ZFAT: variants seen among roughly 807,000 people sequenced by gnomAD.
The protein encoded by ZFAT is zinc finger and AT-hook domain containing.
A neutral mutation model predicts 117.7 loss-of-function variants in ZFAT; 64 were observed. That is an observed-to-expected ratio of 0.54 (90% confidence interval 0.44 to 0.67). ZFAT has a LOEUF of 0.67. Among genes scored for constraint, ZFAT ranks in the 30% least tolerant of loss-of-function variants. The probability of loss-of-function intolerance (pLI) is 0.00; values close to 1 mark genes in which losing one functional copy is unlikely to be tolerated. For synonymous variants in ZFAT, 679 were observed against 615.0 expected (o/e 1.10, Z -1.54); for missense variants, 1,433 against 1,584.5 (o/e 0.90, Z 1.62).
At chr8:134,760,749 A>T in the ZFAT span, among the ~76,000 whole-genome samples, 1 of 152,238 alleles carries the variant, frequency 6.6e-6, no homozygotes, top group African/African-American at 2.4e-5. Flanking sequence ...GGTTCCAGGG[A>T]TACTTTTCAA....
the ZFAT span, among the ~76,000 whole-genome samples, chr8:134,810,746 T>TG: frequency 0.3 from 45,939 of 152,062 alleles, 7,555 homozygotes; most frequent in African/African-American, 0.43. Context: ...TAAAATTATG[T>TG]GGTACAAAAA....
chr8:134,747,825 C>T, the ZFAT span, among the ~76,000 whole-genome samples: 123 of 152,228 alleles, frequency 8.1e-4, no homozygotes, highest in African/African-American at 2.8e-3. Context: ...CATCATATTA[C>T]CGAGGAGACC....
intron 11 of ZFAT, among the ~76,000 whole-genome samples, chr8:134,548,084 T>A (rs1822834715): frequency 6.6e-6 from 1 of 152,216 alleles, no homozygotes. Flanking sequence ...AGAGTCCTAC[T>A]TCCACCTGGA....
At chr8:134,737,847 T>C in the ZFAT span, among the ~76,000 whole-genome samples, 2 of 152,320 alleles carry the variant, frequency 1.3e-5, no homozygotes, top group Admixed American at 1.3e-4. Flanking sequence ...TCTATGAGAT[T>C]GGTGGGTTTT....
At chr8:134,551,189 G>A (rs902401637) in intron 11 of ZFAT, among the ~76,000 whole-genome samples, 2 of 152,190 alleles carry the variant, frequency 1.3e-5, no homozygotes, top group Non-Finnish European at 2.9e-5. Context: ...GTGGACTAAC[G>A]CGCAGAGAGT....
At chr8:134,788,881 CA>C in the ZFAT span, among the ~76,000 whole-genome samples, 53 of 152,050 alleles carry the variant, frequency 3.5e-4, no homozygotes, top group African/African-American at 1.2e-3. Context: ...ATACCACATT[CA>C]AACTGTTTTT....
chr8:134,821,388 G>C, the ZFAT span, among the ~76,000 whole-genome samples: 2 of 152,056 alleles, frequency 1.3e-5, no homozygotes, highest in African/African-American at 2.4e-5. Context: ...CAGTATCCTA[G>C]ATAATAGCTT....
In ZFAT at chr8:134,513,277, A is replaced by T. The variant is rs1327393993; in HGVS notation, c.3235-676T>A. Among the ~76,000 whole-genome samples, 18 of 150,128 alleles carry T rather than the reference A, an allele frequency of 1.2e-4. No homozygotes were observed. In the South Asian group the frequency reaches 3.8e-3, roughly 31 times the overall value. ...CGGTGGCGCGATCTCAGCTCACTGC[A>T]ATCTCTGCCCGCCAGGTTCAAGCGA... On this transcript the variant is annotated intron_variant, in intron 13 of 15. Transcript: ENST00000377838.
chr8:134,714,120 C>CCA (rs1491569395), upstream of ZFAT, among the ~76,000 whole-genome samples: 16 of 64,634 alleles, frequency 2.5e-4, no homozygotes, highest in African/African-American at 7.7e-4. Context: ...CCCCCCCCCC[C>CCA]AAAAAAAAAA....
In ZFAT at chr8:134,633,257, C is replaced by T. The variant is rs553288866; in HGVS notation, c.448+4204G>A. 8.5e-5 allele frequency among the ~76,000 whole-genome samples: 13 copies of T among 152,192 alleles called. No homozygotes were observed. In the East Asian group the frequency reaches 2.5e-3, roughly 29 times the overall value. On this transcript the variant is annotated intron_variant, in intron 3 of 15. Coordinates refer to ENST00000377838, the MANE Select transcript of ZFAT (RefSeq NM_020863.4). The stretch of plus-strand genomic sequence containing the variant: ...AATAACAATAGTGCCTACCTCTTAG[C>T]TGCTATGAGAATTAAAAGAGCTATT...
the ZFAT span, among the ~76,000 whole-genome samples, chr8:134,810,305 A>AT: frequency 2.0e-5 from 3 of 152,228 alleles, no homozygotes; most frequent in Non-Finnish European, 2.9e-5. Flanking sequence ...GAAAATAAGG[A>AT]TTGAAGAGAC....
the ZFAT span, among the ~76,000 whole-genome samples, chr8:134,752,321 A>G: frequency 1.3e-5 from 2 of 151,824 alleles, no homozygotes; most frequent in African/African-American, 4.8e-5. Flanking sequence ...AAGGCCCTAC[A>G]TGTGCCAGCC....
the ZFAT span, chr8:134,794,204 C>T: frequency 1.3e-5 from 2 of 152,180 alleles, no homozygotes; most frequent in African/African-American, 4.8e-5. Flanking sequence ...CAAGGACACA[C>T]AATTTAATAG....
the ZFAT span, among the ~76,000 whole-genome samples, chr8:134,832,206 C>T: frequency 7.3e-5 from 11 of 151,458 alleles, no homozygotes; most frequent in African/African-American, 2.7e-4. Context: ...AAGCAGCCTC[C>T]GCCGCGTCCG....
intron 7 of ZFAT, among the ~76,000 whole-genome samples, chr8:134,595,967 C>G (rs549717052): frequency 6.6e-6 from 1 of 152,316 alleles, no homozygotes; most frequent in East Asian, 1.9e-4. Flanking sequence ...GGAATCTGTG[C>G]TGAAAGCAGT....
In ZFAT at chr8:134,478,774, C is replaced by G. The variant is rs1005064468; in HGVS notation, c.3493-53G>C. 6.6e-6 allele frequency: 10 copies of G among 1,521,390 alleles called. No individual in the cohort carries two copies. Among genetic ancestry groups the G allele is most frequent in the African/African-American group, 2.8e-5 (2 of 72,620 alleles). The allele number at this position is 1,521,390 out of a possible 1,614,324, so 94.2% of individuals were successfully genotyped here. ...ACCCAGCGCCTACTTCCCGGTCCAG[C>G]GTAACAACAAAGTCACAACTACAGT... On this transcript the variant is annotated intron_variant, in intron 15 of 15. Coordinates refer to ENST00000377838, the MANE Select transcript of ZFAT (RefSeq NM_020863.4). The surrounding 1 kb of genome is among the most constrained non-coding windows in gnomAD (Gnocchi z 5.2).
the ZFAT span, among the ~76,000 whole-genome samples, chr8:134,782,549 G>GT: frequency 3.9e-5 from 6 of 152,152 alleles, no homozygotes; most frequent in South Asian, 2.1e-4. Flanking sequence ...TACAAGGTCT[G>GT]TTTTTTCCCT....
intron 7 of ZFAT, among the ~76,000 whole-genome samples, chr8:134,592,460 T>TG (rs1826578245): frequency 1.3e-5 from 2 of 152,214 alleles, no homozygotes; most frequent in Admixed American, 6.5e-5. Context: ...GTTCAAATCT[T>TG]GGTTTTGCCC....
chr8:134,724,196 G>T, the ZFAT span, among the ~76,000 whole-genome samples: 1 of 152,172 alleles, frequency 6.6e-6, no homozygotes, highest in Non-Finnish European at 1.5e-5. Context: ...CTGTGCATTG[G>T]TCACCATCTT....
Sources: allele counts gnomAD v4.1 joint callset (sites outside exome capture counted in the v4.1 genomes callset), GRCh38; gene constraint gnomAD v4.1.1; non-coding constraint Gnocchi (gnomAD v3.1); transcripts MANE v1.5; gene names NCBI Gene and HGNC (gene_info 2026-07-23, HGNC 2026-07-21).